KIAA0825: variants seen among roughly 807,000 people sequenced by gnomAD.
KIAA0825 encodes the protein uncharacterized protein KIAA0825.
Under a neutral mutation model 147.6 loss-of-function variants are expected in KIAA0825, and 119 were observed. The observed-to-expected ratio is 0.81, with a 90% CI of 0.69 to 0.94. The LOEUF (loss-of-function observed/expected upper bound fraction) is 0.94, where lower values mean the gene tolerates loss of function less well. KIAA0825 is among the 40% of genes least tolerant of loss of function. The pLI is 0.00. For synonymous variants in KIAA0825, 470 were observed against 518.1 expected (o/e 0.91, Z 1.26); for missense variants, 1,381 against 1,472.7 (o/e 0.94, Z 1.02).
chr5:94,210,548 T>C (rs932551508), intron 20 of KIAA0825, among the ~76,000 whole-genome samples: 1 of 152,126 alleles, frequency 6.6e-6, no homozygotes, highest in Admixed American at 6.6e-5. Flanking sequence ...CAAGCTATAT[T>C]TGCAGAATAT....
intron 20 of KIAA0825, among the ~76,000 whole-genome samples, chr5:94,195,653 C>CT (rs562532075): frequency 1.2e-3 from 175 of 145,250 alleles, no homozygotes; most frequent in Non-Finnish European, 1.7e-3. Flanking sequence ...GACAAGAGCT[C>CT]TTTTTTTTTT....
chr5:94,493,035 AG>A (rs1763914466), intron 5 of KIAA0825, among the ~76,000 whole-genome samples: 1 of 152,210 alleles, frequency 6.6e-6, no homozygotes, highest in African/African-American at 2.4e-5. Context: ...TGTTCATAGA[AG>A]GATGTTTTGC....
chr5:94,177,913 A>G (rs1229867041), intron 20 of KIAA0825, among the ~76,000 whole-genome samples: 1 of 152,090 alleles, frequency 6.6e-6, no homozygotes, highest in Non-Finnish European at 1.5e-5. Flanking sequence ...TGGAACGTAT[A>G]CCAGTGGCAA....
chr5:94,342,150 C>T (rs555903444), intron 20 of KIAA0825, among the ~76,000 whole-genome samples: 15 of 151,570 alleles, frequency 9.9e-5, no homozygotes, highest in East Asian at 7.8e-4. Context: ...GTGCCGAGAC[C>T]GCACCACTGC....
At chr5:94,565,075 T>G (rs552852760) in intron 2 of KIAA0825, among the ~76,000 whole-genome samples, 95 of 143,110 alleles carry the variant, frequency 6.6e-4, no homozygotes, top group Non-Finnish European at 1.0e-3. Context: ...TGTCTCTCTT[T>G]CTCTCTCTTT....
intron 2 of KIAA0825, among the ~76,000 whole-genome samples, chr5:94,575,397 A>C (rs988240529): frequency 6.6e-6 from 1 of 152,068 alleles, no homozygotes; most frequent in Non-Finnish European, 1.5e-5. Context: ...ATGACTTTCC[A>C]GGATATGATA....
chr5:94,217,064 C>T (rs1021552665), intron 20 of KIAA0825, among the ~76,000 whole-genome samples: 4 of 152,048 alleles, frequency 2.6e-5, no homozygotes, highest in African/African-American at 4.8e-5. Flanking sequence ...AAAATATGAA[C>T]ATTTCAAAGG....
chr5:94,333,654 G>A (rs1469565071), intron 20 of KIAA0825, among the ~76,000 whole-genome samples: 2 of 152,124 alleles, frequency 1.3e-5, no homozygotes, highest in Non-Finnish European at 2.9e-5. Flanking sequence ...TTGAAGTCAG[G>A]TAATGTGATG....
chr5:94,383,787 C>CTCTGTG (rs149366571), intron 20 of KIAA0825, among the ~76,000 whole-genome samples: 1 of 145,352 alleles, frequency 6.9e-6, no homozygotes, highest in African/African-American at 2.5e-5. Context: ...TTATACTGCT[C>CTCTGTG]TGTGTGTGTG....
At chr5:94,391,383 G>A (rs772157340) in intron 18 of KIAA0825, among the ~76,000 whole-genome samples, 152 bp downstream of exon 18, 7 of 152,242 alleles carry the variant, frequency 4.6e-5, no homozygotes, top group South Asian at 2.1e-4. Context: ...CAGAACAGCC[G>A]GGGCTGAATA....
At chr5:94,409,177 G>T (rs1752450683) in intron 15 of KIAA0825, among the ~76,000 whole-genome samples, 1 of 152,140 alleles carries the variant, frequency 6.6e-6, no homozygotes, top group Admixed American at 6.6e-5. Flanking sequence ...TGTCTAGTGG[G>T]CTTGTTACCT....
intron 20 of KIAA0825, among the ~76,000 whole-genome samples, chr5:94,179,434 G>A (rs941148460): frequency 6.6e-6 from 1 of 152,098 alleles, no homozygotes; most frequent in African/African-American, 2.4e-5. Context: ...GTTTTGACTG[G>A]ATACTTTAAG....
chr5:94,365,201 T>A (rs1745673546), intron 20 of KIAA0825, among the ~76,000 whole-genome samples: 1 of 152,120 alleles, frequency 6.6e-6, no homozygotes, highest in African/African-American at 2.4e-5. Flanking sequence ...GCACCCCCGC[T>A]CTCTCTCCCA....
intron 10 of KIAA0825, among the ~76,000 whole-genome samples, chr5:94,466,475 G>A (rs1283105225): frequency 6.6e-6 from 1 of 151,864 alleles, no homozygotes; most frequent in Non-Finnish European, 1.5e-5. Context: ...ATCCCAGCAC[G>A]TTAGGAGGCC....
At chr5:94,537,275 A>T (rs752273638) in intron 2 of KIAA0825, 148 bp from the exon 3 acceptor site, 16 of 567,878 alleles carry the variant, frequency 2.8e-5, no homozygotes, top group Admixed American at 2.4e-4. Flanking sequence ...CAGTTGGAGA[A>T]CTAGGGTATT....
At chr5:94,368,798 T>C (rs1184098901) in intron 20 of KIAA0825, among the ~76,000 whole-genome samples, 1 of 152,226 alleles carries the variant, frequency 6.6e-6, no homozygotes, top group Non-Finnish European at 1.5e-5. Context: ...CACACAACTC[T>C]GAAGAGAGGG....
rs1025550552 is a variant in KIAA0825, at chr5:94,152,179, A to G, written c.*1828T>C. 2.6e-5 allele frequency among the ~76,000 whole-genome samples: 4 copies of G among 152,184 alleles called. No homozygotes were observed. The highest frequency in any genetic ancestry group is 9.7e-5 in the African/African-American group (4 of 41,432). On this transcript the variant is annotated 3_prime_UTR_variant, in exon 21 of 21. Transcript: ENST00000682413. Reference sequence around the variant, plus strand: ...CATGGCCATTTATGTATTTTTATTTAAAGAAAAAATGTAAGAGATTTCCTA... The same window carrying G: ...CATGGCCATTTATGTATTTTTATTTGAAGAAAAAATGTAAGAGATTTCCTA...
chr5:94,209,242 T>C (rs1297284973), intron 20 of KIAA0825, among the ~76,000 whole-genome samples: 1 of 152,198 alleles, frequency 6.6e-6, no homozygotes, highest in Non-Finnish European at 1.5e-5. Flanking sequence ...ACAATGAGCT[T>C]TTTAAAGAAA....
intron 2 of KIAA0825, among the ~76,000 whole-genome samples, chr5:94,549,964 A>C (rs1775203092): frequency 6.6e-6 from 1 of 152,166 alleles, no homozygotes; most frequent in Non-Finnish European, 1.5e-5. Flanking sequence ...AGAAAAGATC[A>C]ATGAAACAAA....
Sources: gnomAD v4.1 joint callset for allele counts (sites outside exome capture counted in the v4.1 genomes callset) on GRCh38, gnomAD v4.1.1 for gene constraint, MANE v1.5 for transcripts, NCBI Gene and HGNC (gene_info 2026-07-23, HGNC 2026-07-21) for gene names.